MAD1L1: variants seen among roughly 807,000 people sequenced by gnomAD.
MAD1L1 encodes the protein mitotic spindle assembly checkpoint protein MAD1.
In MAD1L1, 95 loss-of-function variants were observed where a neutral mutation model predicts 96.9. The observed-to-expected ratio is 0.98, with a 90% CI of 0.83 to 1.16. The LOEUF (loss-of-function observed/expected upper bound fraction) is 1.16. MAD1L1 is among the 50% of genes most tolerant of loss of function. The pLI, the probability that MAD1L1 is intolerant of heterozygous loss-of-function variation, is 0.00. For missense variants in MAD1L1, 1,007 were observed against 954.4 expected, an observed-to-expected ratio of 1.06 and a Z score of -0.73; for synonymous variants, 473 against 396.6, an observed-to-expected ratio of 1.19 and a Z score of -2.29.
intron 16 of MAD1L1, chr7:1,940,527 C>T (rs1778901585): frequency 6.6e-6 from 1 of 152,260 alleles, no homozygotes; most frequent in Non-Finnish European, 1.5e-5. Context: ...GCATCTCAAC[C>T]TCTTCACCAT....
chr7:1,847,247 G>C, intron 18 of MAD1L1: 1 of 470,950 alleles, frequency 2.1e-6, no homozygotes, highest in Non-Finnish European at 4.4e-6. Flanking sequence ...TTTCTGTTTA[G>C]GAAGCACTGG....
At position 2,107,052 on chromosome 7, in the gene MAD1L1, C is replaced by T. The variant is rs532105930; in HGVS notation, c.1074-37714G>A. 2.6e-5 allele frequency among the ~76,000 whole-genome samples: 4 copies of T among 152,320 alleles called. No homozygotes were observed. The East Asian group carries it at 7.7e-4, about 29-fold the overall frequency. Reference sequence around the variant, plus strand: ...CTGGCTCCCAAGGACAGGAAGGGCACCCACATACAGCATCACTCAGCACCT... The same window carrying T: ...CTGGCTCCCAAGGACAGGAAGGGCATCCACATACAGCATCACTCAGCACCT... On this transcript the variant is annotated intron_variant, in intron 11 of 18. Coordinates refer to ENST00000265854, the MANE Select transcript of MAD1L1 (RefSeq NM_001013836.2).
intron 18 of MAD1L1, among the ~76,000 whole-genome samples, chr7:1,873,269 G>A (rs747902748): frequency 9.2e-5 from 14 of 152,230 alleles, no homozygotes; most frequent in Admixed American, 9.2e-4. Flanking sequence ...TGGACCTCAC[G>A]GGCTGGGGCG....
intron 18 of MAD1L1, among the ~76,000 whole-genome samples, chr7:1,866,070 T>C (rs903594057): frequency 6.6e-6 from 1 of 152,222 alleles, no homozygotes; most frequent in Non-Finnish European, 1.5e-5. Flanking sequence ...GGGATGTCCA[T>C]GTCAGAGACC....
At position 1,831,216 on chromosome 7, in the gene MAD1L1, G is replaced by C. The variant is rs540725525; in HGVS notation, c.1999-14988C>G. Among the ~76,000 whole-genome samples, 58 of 152,316 alleles carry C rather than the reference G, an allele frequency of 3.8e-4. 1 individual carries two copies. The highest frequency in any genetic ancestry group is 3.8e-4 in the Non-Finnish European group (26 of 68,034). On this transcript the variant is annotated intron_variant, in intron 18 of 18. Transcript: ENST00000265854. ...AAAAGCGTGGATTCACTTCATGTCT[G>C]TGTCGTATATATTTCCAACTTTTTC...
At chr7:2,134,622 C>G (rs1788667918) in intron 11 of MAD1L1, among the ~76,000 whole-genome samples, 1 of 152,206 alleles carries the variant, frequency 6.6e-6, no homozygotes, top group Admixed American at 6.5e-5. Context: ...AAGAAATTAG[C>G]TTCTCTATGA....
intron 11 of MAD1L1, among the ~76,000 whole-genome samples, chr7:2,070,298 C>T (rs3800869): frequency 0.28 from 41,980 of 152,076 alleles, 6,639 homozygotes; most frequent in Middle Eastern, 0.37. Context: ...CACCTCCTCA[C>T]GGGAGGGGCT....
chr7:2,132,883 G>A (rs949410225), intron 11 of MAD1L1, among the ~76,000 whole-genome samples: 90 of 152,204 alleles, frequency 5.9e-4, no homozygotes, highest in Admixed American at 5.7e-3. Context: ...TGAGAGGAGG[G>A]GTTTGGGCCA....
In MAD1L1 at chr7:1,936,864, G is replaced by A. The variant is rs770351493; in HGVS notation, c.1630C>T (p.His544Tyr). 5 of 1,605,466 alleles carry A rather than the reference G, an allele frequency of 3.1e-6. No homozygotes were observed. Among genetic ancestry groups the A allele is most frequent in the South Asian group, 2.2e-5 (2 of 89,324 alleles). ...ACACTGGTGGGGTTCAGGCTCATGTGCAGCACTTTGGTCCTGCTCTGGTCA... is the reference window on the plus strand; with the variant it reads ...ACACTGGTGGGGTTCAGGCTCATGTACAGCACTTTGGTCCTGCTCTGGTCA... ...DYDQSRTKVL[H>Y]MSLNPTSVAR... The change falls in exon 17 of 19, where the codon CAC becomes TAC. Residue 544 changes from histidine (H) to tyrosine (Y), a missense_variant. Coordinates refer to ENST00000265854, the MANE Select transcript of MAD1L1 (RefSeq NM_001013836.2).
Position 2,219,372 on chromosome 7 carries a change from C to A in MAD1L1, c.556G>T (p.Glu186Ter). The A allele has an allele frequency of 6.2e-7, 1 of 1,604,116 alleles. No individual in the cohort carries two copies. The highest frequency in any genetic ancestry group is 8.5e-7 in the Non-Finnish European group (1 of 1,175,058). ...AGCTGCTCCTGCAGCTCCTGCTTCT[C>A]CGACTCCAGGCGCTTCACCCGCATC... ...QEMRVKRLES[E>*]KQELQEQLDL... Residue 186 changes from glutamate (E) to a stop codon, truncating the protein, a stop_gained, in exon 6 of 19, where the codon GAG becomes TAG. Transcript: ENST00000265854. LOFTEE classifies it high-confidence loss of function.
chr7:1,915,619 C>G (rs1041503661), intron 17 of MAD1L1, among the ~76,000 whole-genome samples: 7 of 152,230 alleles, frequency 4.6e-5, no homozygotes, highest in Non-Finnish European at 8.8e-5. Context: ...GCTGCGGGTA[C>G]AAGCAAATGT....
intron 17 of MAD1L1, among the ~76,000 whole-genome samples, chr7:1,907,691 T>A (rs535808930): frequency 1.3e-5 from 2 of 152,220 alleles, no homozygotes; most frequent in Non-Finnish European, 2.9e-5. Flanking sequence ...AAACATCACC[T>A]GCCCCCGGGT....
chr7:2,185,188 G>A (rs1791398463), intron 10 of MAD1L1, among the ~76,000 whole-genome samples: 2 of 128,780 alleles, frequency 1.6e-5, no homozygotes, highest in African/African-American at 6.7e-5. Context: ...GGTGTGCAGT[G>A]TAGATCCCAC....
At chr7:2,060,930 C>G (rs1784635169) in intron 12 of MAD1L1, among the ~76,000 whole-genome samples, 1 of 152,172 alleles carries the variant, frequency 6.6e-6, no homozygotes, top group Admixed American at 6.5e-5. Context: ...AGAGAAATTC[C>G]GAGAGTGAAA....
chr7:1,843,208 C>T (rs903431006), intron 18 of MAD1L1, among the ~76,000 whole-genome samples: 1 of 152,350 alleles, frequency 6.6e-6, no homozygotes, highest in East Asian at 1.9e-4. Flanking sequence ...GCCAGGTTCA[C>T]CTTGAACCCT....
intron 15 of MAD1L1, among the ~76,000 whole-genome samples, chr7:1,961,407 A>G (rs184326899): frequency 6.6e-6 from 1 of 152,388 alleles, no homozygotes; most frequent in East Asian, 1.9e-4. Context: ...CCGATCAAAC[A>G]AAACAGAGTC....
intron 17 of MAD1L1, among the ~76,000 whole-genome samples, chr7:1,912,172 C>T (rs955947588): frequency 1.3e-5 from 2 of 152,158 alleles, no homozygotes; most frequent in African/African-American, 2.4e-5. Flanking sequence ...GCCCTGCGTG[C>T]GGGTACAGAC....
chr7:2,014,607 G>T lies in MAD1L1; in HGVS notation c.1254C>A (p.Tyr418Ter). 2 of 1,612,408 alleles carry T rather than the reference G, an allele frequency of 1.2e-6. No homozygotes were observed. Among genetic ancestry groups the T allele is most frequent in the South Asian group, 1.1e-5 (1 of 90,922 alleles). ...RDGMRAILGS[Y>*]DSELTPAEYS... ...ACTCGGCCGGGGTCAGCTCGCTGTC[G>T]TAGGACCCCAGGATGGCCCGCATAC... Residue 418 changes from tyrosine to a stop codon, truncating the protein, a stop_gained, in exon 13 of 19, where the codon TAC becomes TAA. Coordinates refer to ENST00000265854, the MANE Select transcript of MAD1L1 (RefSeq NM_001013836.2). LOFTEE classifies it high-confidence loss of function.
rs186494627 is a variant in MAD1L1, at chr7:1,827,730, C to T, written c.1999-11502G>A. On this transcript the variant is annotated intron_variant, in intron 18 of 18. Transcript: ENST00000265854. ...TGGGGGCCTCCCCTCCTGAGCCCTGCGTGGCTGTGGGGTCCTCCCCTCCTG... is the reference window on the plus strand; with the variant it reads ...TGGGGGCCTCCCCTCCTGAGCCCTGTGTGGCTGTGGGGTCCTCCCCTCCTG... Among the ~76,000 whole-genome samples, 774 of 93,944 alleles carry T rather than the reference C, an allele frequency of 8.2e-3. 102 individuals are homozygous for T. The highest frequency in any genetic ancestry group is 0.026 in the African/African-American group (734 of 28,372). 61.6% of individuals were successfully genotyped at this position (93,944 alleles called of 152,430 possible). A position where few individuals can be genotyped will look rare whatever the true frequency, so the allele number is the denominator to read the frequency against.
Sources: gnomAD v4.1 joint callset for allele counts (sites outside exome capture counted in the v4.1 genomes callset) on GRCh38, gnomAD v4.1.1 for gene constraint, MANE v1.5 for transcripts, NCBI Gene and HGNC (gene_info 2026-07-23, HGNC 2026-07-21) for gene names.